C6orf62: variants seen among roughly 807,000 people sequenced by gnomAD.
The protein encoded by C6orf62 is chromosome 6 open reading frame 62.
In C6orf62, 16 loss-of-function variants were observed where a neutral mutation model predicts 26.8. The ratio of observed to expected loss-of-function variants is 0.60; its 90% CI spans 0.40 to 0.91. C6orf62 has a LOEUF of 0.91. C6orf62 is among the 40% of genes least tolerant of loss of function. The probability of loss-of-function intolerance (pLI) is 0.00; values close to 1 mark genes in which losing one functional copy is unlikely to be tolerated. For synonymous variants in C6orf62, 112 were observed against 91.5 expected (o/e 1.22, Z -1.28); for missense variants, 192 against 271.4 (o/e 0.71, Z 2.06).
chr6:24,710,651 C>A (rs781574987), intron 3 of C6orf62: 10 of 981,898 alleles, frequency 1.0e-5, no homozygotes, highest in African/African-American at 3.5e-5. Context: ...TTTTGGATTG[C>A]GCCTTTAAAG....
intron 3 of C6orf62, among the ~76,000 whole-genome samples, chr6:24,713,478 A>G (rs540642430): frequency 5.0e-5 from 7 of 139,646 alleles, no homozygotes; most frequent in African/African-American, 2.3e-4. Flanking sequence ...AGTAGAAGCA[A>G]AAGTTTTAAA....
intron 4 of C6orf62, among the ~76,000 whole-genome samples, chr6:24,707,381 T>C (rs2127632061): frequency 6.6e-6 from 1 of 150,462 alleles, no homozygotes; most frequent in South Asian, 2.1e-4. Context: ...TTTTTTGAGA[T>C]GGGGTCTCGC....
At position 24,709,172 on chromosome 6, in the gene C6orf62, G is replaced by C. The variant is rs566938325; in HGVS notation, c.430-261C>G. 51 of 975,430 alleles carry C rather than the reference G, an allele frequency of 5.2e-5. No individual in the cohort carries two copies. The South Asian group carries it at 2.1e-3, about 41-fold the overall frequency. The allele number at this position is 975,430 out of a possible 1,614,324, so 60.4% of individuals were successfully genotyped here. ...TCACATGACTACTGGCCACCATTAAGAACAATCTCTTGAGATACAGAACAT... is the reference window on the plus strand; with the variant it reads ...TCACATGACTACTGGCCACCATTAACAACAATCTCTTGAGATACAGAACAT... On this transcript the variant is annotated intron_variant, in intron 3 of 4. Coordinates refer to ENST00000378119, the MANE Select transcript of C6orf62 (RefSeq NM_030939.5).
chr6:24,715,034 T>C (rs974108106), intron 2 of C6orf62, among the ~76,000 whole-genome samples: 1 of 152,242 alleles, frequency 6.6e-6, no homozygotes, highest in Non-Finnish European at 1.5e-5. Flanking sequence ...TGATATCTGT[T>C]GTATTGTCAG....
At chr6:24,708,700 T>C in intron 4 of C6orf62, 77 bp downstream of exon 4, 1 of 1,562,190 alleles carries the variant, frequency 6.4e-7, no homozygotes, top group Non-Finnish European at 8.8e-7. Flanking sequence ...AACAATTAAG[T>C]AACTTGTATA....
At chr6:24,719,368 CA>C (rs1779306075), upstream of C6orf62, 1 of 1,004,220 alleles carries the variant, frequency 1.0e-6, no homozygotes, top group African/African-American at 1.7e-5. Flanking sequence ...GAGAAAAGTG[CA>C]AAATCGGTAG....
At chr6:24,714,261 T>G in intron 3 of C6orf62, 57 bp downstream of exon 3, 1 of 1,410,646 alleles carries the variant, frequency 7.1e-7, no homozygotes, top group South Asian at 1.4e-5. Context: ...TTAGACCCTA[T>G]TATATTCTAG....
intron 3 of C6orf62, among the ~76,000 whole-genome samples, chr6:24,712,057 T>C (rs1779129515): frequency 1.3e-5 from 2 of 152,178 alleles, no homozygotes; most frequent in Admixed American, 1.3e-4. Flanking sequence ...TACCCAGTTA[T>C]TTTAAGGACT....
chr6:24,709,159 T>C (rs1779071909), intron 3 of C6orf62: 5 of 968,888 alleles, frequency 5.2e-6, no homozygotes, highest in Non-Finnish European at 6.1e-6. Flanking sequence ...ACATGACTAC[T>C]GGCCACCATT....
In C6orf62 at chr6:24,718,535, A is replaced by G; in HGVS notation, c.129+5T>C. 2 of 1,598,572 alleles carry G rather than the reference A, an allele frequency of 1.3e-6. No homozygotes were observed. Among genetic ancestry groups the G allele is most frequent in the South Asian group, 1.1e-5 (1 of 89,232 alleles). On this transcript the variant is annotated splice_donor_5th_base_variant and intron_variant, in intron 1 of 4. Transcript: ENST00000378119. ...GCTAATTCACCATTAAGAACTTTAAATTACCTTCTCCTTGAATACAAAGGC... is the reference window on the plus strand; with the variant it reads ...GCTAATTCACCATTAAGAACTTTAAGTTACCTTCTCCTTGAATACAAAGGC...
intron 2 of C6orf62, 23 bp from the exon 3 acceptor site, chr6:24,714,463 A>T (rs1779185891): frequency 1.9e-6 from 3 of 1,551,170 alleles, no homozygotes; most frequent in South Asian, 2.5e-5. Flanking sequence ...TAAAAAAAAA[A>T]AAGTTTACTT....
intron 3 of C6orf62, chr6:24,710,194 A>G: frequency 1.0e-6 from 1 of 985,362 alleles, no homozygotes; most frequent in South Asian, 4.7e-5. Flanking sequence ...GAGGACAAGT[A>G]CAGCCAAATA....
rs147402940 is a variant in C6orf62 at position 24,718,781 on chromosome 6, T to C, written c.-113A>G. On this transcript the variant is annotated 5_prime_UTR_variant, in exon 1 of 5. Transcript: ENST00000378119. ...GTCATTTTTTTTCCTGCTAATATGA[T>C]TGATTAGCGAAAATCACGACTATAA... The C allele has an allele frequency of 1.5e-3, 2,318 of 1,563,284 alleles. 14 individuals carry two copies. Among genetic ancestry groups the C allele is most frequent in the African/African-American group, 0.015 (1,060 of 72,296 alleles).
Position 24,708,881 on chromosome 6 carries a change from C to G in C6orf62, c.460G>C (p.Glu154Gln), listed in dbSNP as rs1193896578. 6.2e-7 allele frequency: 1 copy of G among 1,614,012 alleles called. No homozygotes were observed. Among genetic ancestry groups the G allele is most frequent in the African/African-American group, 1.3e-5 (1 of 74,918 alleles). The change falls in exon 4 of 5, where the codon GAA becomes CAA. Residue 154 changes from glutamate (E) to glutamine (Q), a missense_variant. Coordinates refer to ENST00000378119, the MANE Select transcript of C6orf62 (RefSeq NM_030939.5). ...CTCAGTACATGCAGAAACTGTTTTT[C>G]ATAGTCACCATGATGAAACTCAAAT... ...AKFEFHHGDYEKQFLHVLSRK... is the reference protein window; with the variant it reads ...AKFEFHHGDYQKQFLHVLSRK...
chr6:24,707,744 C>T lies in C6orf62; in HGVS notation c.564+1033G>A, dbSNP rs569830851. Among the ~76,000 whole-genome samples the T allele has an allele frequency of 2.8e-4, 43 of 152,080 alleles. 1 individual carries two copies. In the South Asian group the frequency reaches 8.5e-3, roughly 30 times the overall value. On this transcript the variant is annotated intron_variant, in intron 4 of 4. Coordinates refer to ENST00000378119, the MANE Select transcript of C6orf62 (RefSeq NM_030939.5). ...GTCAGCCGGTTGCGGTGGCTCACGCCTGTAATCCCAGCACTTTGGTAGGCC... is the reference window on the plus strand; with the variant it reads ...GTCAGCCGGTTGCGGTGGCTCACGCTTGTAATCCCAGCACTTTGGTAGGCC...
chr6:24,719,720 G>C, upstream of C6orf62: 1 of 1,510,326 alleles, frequency 6.6e-7, no homozygotes, highest in Non-Finnish European at 8.9e-7. Flanking sequence ...GGTGGGGAGT[G>C]CGATTTATCT....
chr6:24,708,860 G>C lies in C6orf62; in HGVS notation c.481C>G (p.Leu161Val). ...GDYEKQFLHV[L>V]SRKDKTGIVV... Reference sequence around the variant, plus strand: ...ATTCCAGTCTTGTCCTTGCGGCTCAGTACATGCAGAAACTGTTTTTCATAG... The same window carrying C: ...ATTCCAGTCTTGTCCTTGCGGCTCACTACATGCAGAAACTGTTTTTCATAG... Residue 161 changes from leucine (L) to valine (V), a missense_variant, in exon 4 of 5, where the codon CTG becomes GTG. Transcript: ENST00000378119. 1 of 1,614,184 alleles carries C rather than the reference G, an allele frequency of 6.2e-7. No homozygotes were observed.
upstream of C6orf62, chr6:24,720,321 C>G: frequency 7.7e-7 from 1 of 1,291,210 alleles, no homozygotes; most frequent in South Asian, 2.5e-5. Flanking sequence ...GTAGCACGGG[C>G]AGGAGCCATG....
intron 3 of C6orf62, among the ~76,000 whole-genome samples, chr6:24,712,184 A>G (rs1779132525): frequency 6.6e-6 from 1 of 152,026 alleles, no homozygotes; most frequent in South Asian, 2.1e-4. Context: ...CAAGGACACC[A>G]CCCTGGCCAA....
Sources: gnomAD v4.1 joint callset for allele counts (sites outside exome capture counted in the v4.1 genomes callset) on GRCh38, gnomAD v4.1.1 for gene constraint, MANE v1.5 for transcripts, NCBI Gene and HGNC (gene_info 2026-07-23, HGNC 2026-07-21) for gene names.